The following TBC1D14 variants were observed in gnomAD, a reference collection of about 807,000 sequenced individuals.
The protein encoded by TBC1D14 is TBC1 domain family member 14, also known as TBC1 domain family, member 14.
In TBC1D14, 26 loss-of-function variants were observed where a neutral mutation model predicts 79.0. The ratio of observed to expected loss-of-function variants is 0.33; its 90% confidence interval spans 0.24 to 0.46. The LOEUF (loss-of-function observed/expected upper bound fraction) is 0.46, where lower values mean the gene tolerates loss of function less well. Ranked by LOEUF, TBC1D14 falls within the 20% of genes least tolerant of loss-of-function variation. The pLI is 1.00. For synonymous variants in TBC1D14, 394 were observed against 349.9 expected, an observed-to-expected ratio of 1.13 and a Z score of -1.40; for missense variants, 769 against 887.6, an observed-to-expected ratio of 0.87 and a Z score of 1.70.
At chr4:6,955,873 C>A (rs548729324) in intron 2 of TBC1D14, among the ~76,000 whole-genome samples, 1 of 152,298 alleles carries the variant, frequency 6.6e-6, no homozygotes, top group South Asian at 2.1e-4. Context: ...ACACGTAAGT[C>A]CGAGTCGCAG....
At chr4:6,933,494 C>T (rs1319719242) in intron 2 of TBC1D14, among the ~76,000 whole-genome samples, 1 of 151,642 alleles carries the variant, frequency 6.6e-6, no homozygotes, top group Non-Finnish European at 1.5e-5. Flanking sequence ...TTTGTAGAGA[C>T]ATGGTCTCAC....
intron 8 of TBC1D14, among the ~76,000 whole-genome samples, chr4:7,005,550 T>C (rs1208445947): frequency 6.6e-6 from 1 of 151,170 alleles, no homozygotes; most frequent in African/African-American, 2.4e-5. Flanking sequence ...AAAACAAAAA[T>C]TAGCTAGGCG....
Position 6,987,289 on chromosome 4 carries a change from G to C in TBC1D14, c.844-6895G>C, listed in dbSNP as rs890751158. The C allele has an allele frequency of 4.4e-5, 59 of 1,352,456 alleles. No homozygotes were observed. In the African/African-American group the frequency reaches 8.1e-4, roughly 19 times the overall value. The allele number at this position is 1,352,456 out of a possible 1,614,324, so 83.8% of individuals were successfully genotyped here. The stretch of plus-strand genomic sequence containing the variant: ...GTCCGGGAGGGAGGGAGGGAGGCCG[G>C]CCCTCCGCTCGCTGGGCATGGAGCC... On this transcript the variant is annotated intron_variant, in intron 3 of 13. Coordinates refer to ENST00000409757, the MANE Select transcript of TBC1D14 (RefSeq NM_020773.3).
At chr4:6,996,482 C>T in intron 5 of TBC1D14, 75 bp downstream of exon 5, 2 of 1,144,930 alleles carry the variant, frequency 1.7e-6, no homozygotes, top group South Asian at 1.3e-5. Context: ...TTCTTTTTAC[C>T]ATTTGGAGTC....
At chr4:6,967,546 C>T in intron 3 of TBC1D14, 122 bp downstream of exon 3, 1 of 1,264,246 alleles carries the variant, frequency 7.9e-7, no homozygotes, top group Non-Finnish European at 1.1e-6. Context: ...ATCTGCATAC[C>T]ACGTTCCTCA....
In TBC1D14 at chr4:6,921,925, G is replaced by T. The variant is rs555897787; in HGVS notation, c.-17-1448G>T. ...TTGGCCAGGCTGCTCACAAACTGCT[G>T]ACCTCTCGACCTGCCCGCCTCAGCC... On this transcript the variant is annotated intron_variant, in intron 1 of 13. Coordinates refer to ENST00000409757, the MANE Select transcript of TBC1D14 (RefSeq NM_020773.3). 3.3e-5 allele frequency among the ~76,000 whole-genome samples: 5 copies of T among 152,194 alleles called. No individual in the cohort carries two copies. The South Asian group carries it at 1.0e-3, about 32-fold the overall frequency.
chr4:6,967,182 G>A, intron 2 of TBC1D14, 122 bp from the exon 3 acceptor site: 1 of 1,283,532 alleles, frequency 7.8e-7, no homozygotes, highest in Non-Finnish European at 1.1e-6. Flanking sequence ...AATCAAGTCT[G>A]AAGAATTAAA....
chr4:6,986,475 A>T (rs923539658), intron 3 of TBC1D14, among the ~76,000 whole-genome samples: 2 of 152,088 alleles, frequency 1.3e-5, no homozygotes, highest in Admixed American at 6.5e-5. Context: ...TTTTTATTTT[A>T]TCCTGGCGGC....
intron 12 of TBC1D14, among the ~76,000 whole-genome samples, chr4:7,021,350 C>A (rs895727803): frequency 3.3e-5 from 5 of 152,208 alleles, no homozygotes; most frequent in Middle Eastern, 3.2e-3. Context: ...ATAGTCCCAG[C>A]ACTTTGAGAG....
intron 2 of TBC1D14, among the ~76,000 whole-genome samples, chr4:6,955,905 G>A (rs1231137391): frequency 1.3e-5 from 2 of 152,152 alleles, no homozygotes; most frequent in Non-Finnish European, 2.9e-5. Flanking sequence ...TTAGGTGGAC[G>A]AGTCTGGGCC....
chr4:6,992,294 C>T (rs184947744), intron 3 of TBC1D14, among the ~76,000 whole-genome samples: 54 of 152,354 alleles, frequency 3.5e-4, no homozygotes, highest in Non-Finnish European at 6.5e-4. Context: ...GTGTAGGACT[C>T]GGGCTTTCCC....
chr4:6,980,696 A>G (rs1717292300), intron 3 of TBC1D14, among the ~76,000 whole-genome samples: 1 of 152,148 alleles, frequency 6.6e-6, no homozygotes, highest in Non-Finnish European at 1.5e-5. Context: ...AAAATAAGAC[A>G]ATAGAATGTT....
intron 12 of TBC1D14, among the ~76,000 whole-genome samples, chr4:7,020,869 C>T (rs984968683): frequency 2.6e-5 from 4 of 152,176 alleles, no homozygotes; most frequent in South Asian, 2.1e-4. Flanking sequence ...CCCAGCTAAT[C>T]TCCCTTTATT....
intron 13 of TBC1D14, among the ~76,000 whole-genome samples, chr4:7,027,855 CACA>C (rs1177077193): frequency 6.8e-6 from 1 of 146,046 alleles, no homozygotes; most frequent in African/African-American, 2.5e-5. Context: ...CCCACACACA[CACA>C]GATCACCCCC....
At chr4:6,950,218 G>T (rs1248077916) in intron 2 of TBC1D14, among the ~76,000 whole-genome samples, 1 of 152,090 alleles carries the variant, frequency 6.6e-6, no homozygotes, top group Admixed American at 6.5e-5. Flanking sequence ...AGCTTCATCC[G>T]TGTCCCTGCA....
chr4:7,023,918 T>C (rs1268113836), intron 12 of TBC1D14, among the ~76,000 whole-genome samples: 1 of 152,224 alleles, frequency 6.6e-6, no homozygotes, highest in Non-Finnish European at 1.5e-5. Context: ...CTCCTCTGAG[T>C]TGAATGAAGT....
rs551621949 is a variant in TBC1D14, at chr4:6,978,073, G to T, written c.843+10649G>T. Among the ~76,000 whole-genome samples the T allele has an allele frequency of 1.7e-3, 249 of 150,874 alleles. 2 individuals are homozygous for T. Among genetic ancestry groups the T allele is most frequent in the Non-Finnish European group, 2.5e-3 (166 of 67,384 alleles). Reference sequence around the variant, plus strand: ...CCACCCCGTCTGGGAGGGAGGTGGGGGTCAGCCCCCCGCCTGGCCAGCCGC... The same window carrying T: ...CCACCCCGTCTGGGAGGGAGGTGGGTGTCAGCCCCCCGCCTGGCCAGCCGC... On this transcript the variant is annotated intron_variant, in intron 3 of 13. Coordinates refer to ENST00000409757, the MANE Select transcript of TBC1D14 (RefSeq NM_020773.3).
rs11724554 is a variant in TBC1D14, at chr4:6,976,394, C to T, written c.843+8970C>T. Among the ~76,000 whole-genome samples, 406 of 152,160 alleles carry T rather than the reference C, an allele frequency of 2.7e-3. 10 individuals carry two copies. The highest frequency in any genetic ancestry group is 0.022 in the Admixed American group (342 of 15,284). ...GTCCAGATACATCATAACCAAATTG[C>T]TGAAAATAAAGACAAAAAAATCATA... On this transcript the variant is annotated intron_variant, in intron 3 of 13. Transcript: ENST00000409757.
intron 3 of TBC1D14, chr4:6,987,586 C>T: frequency 2.5e-6 from 1 of 401,540 alleles, no homozygotes; most frequent in Non-Finnish European, 4.4e-6. Context: ...GTCTGTGTTT[C>T]CACGTATTTT....
Sources: allele counts gnomAD v4.1 joint callset (sites outside exome capture counted in the v4.1 genomes callset), GRCh38; gene constraint gnomAD v4.1.1; transcripts MANE v1.5; gene names NCBI Gene and HGNC (gene_info 2026-07-23, HGNC 2026-07-21).